Variants in CELF2 observed in about 807,000 individuals in gnomAD.
CELF2 encodes CUG triplet repeat RNA-binding protein 2.
CELF2 carries 8 observed loss-of-function variants against 62.6 expected under a neutral mutation model. The observed-to-expected ratio is 0.13, with a 90% CI of 0.07 to 0.23. The LOEUF (loss-of-function observed/expected upper bound fraction) is 0.23. CELF2 is among the 10% of genes least tolerant of loss of function. The pLI is 1.00. For synonymous variants in CELF2, 258 were observed against 250.0 expected, an observed-to-expected ratio of 1.03 and a Z score of -0.30; for missense variants, 333 against 671.0, an observed-to-expected ratio of 0.50 and a Z score of 5.56.
At chr10:10,895,941 G>A (rs2062521161) in intron 1 of CELF2, among the ~76,000 whole-genome samples, 1 of 152,052 alleles carries the variant, frequency 6.6e-6, no homozygotes, top group Non-Finnish European at 1.5e-5. Flanking sequence ...GAAGGAGGCT[G>A]GTAGACTCTC....
chr10:10,572,453 C>T, the CELF2 span, among the ~76,000 whole-genome samples: 1 of 152,008 alleles, frequency 6.6e-6, no homozygotes, highest in Non-Finnish European at 1.5e-5. Flanking sequence ...CAACCCATCA[C>T]CTTGGTATTA....
the CELF2 span, among the ~76,000 whole-genome samples, chr10:10,562,239 C>G: frequency 6.6e-6 from 1 of 152,176 alleles, no homozygotes; most frequent in Admixed American, 6.5e-5. Context: ...CACTAATCCC[C>G]TTGTGTAGAT....
rs574382083 is a variant in CELF2 at position 11,078,715 on chromosome 10, C to G, written c.74+60552C>G. The stretch of plus-strand genomic sequence containing the variant: ...GTTCTTTCTCTTCATGCACGGCTTG[C>G]AGAAAATATAAAAGAATCGGAGGCT... On this transcript the variant is annotated intron_variant, in intron 1 of 12. Coordinates refer to ENST00000633077, the MANE Select transcript of CELF2 (RefSeq NM_001326342.2). Among the ~76,000 whole-genome samples the G allele has an allele frequency of 3.3e-5, 5 of 152,274 alleles. No individual in the cohort carries two copies. The South Asian group carries it at 6.2e-4, about 19-fold the overall frequency.
intron 2 of CELF2, among the ~76,000 whole-genome samples, chr10:10,986,745 A>C (rs912727845): frequency 6.6e-6 from 1 of 152,194 alleles, no homozygotes; most frequent in African/African-American, 2.4e-5. Context: ...CAATCCCTCT[A>C]CAGGGCAATG....
At chr10:10,703,875 A>G in the CELF2 span, among the ~76,000 whole-genome samples, 1 of 152,230 alleles carries the variant, frequency 6.6e-6, no homozygotes, top group African/African-American at 2.4e-5. Context: ...ACAGAACCCT[A>G]ATCAATACAG....
intron 2 of CELF2, among the ~76,000 whole-genome samples, chr10:11,203,594 C>A (rs1412640901): frequency 6.6e-6 from 1 of 152,186 alleles, no homozygotes; most frequent in African/African-American, 2.4e-5. Flanking sequence ...CAAGACACCC[C>A]CTCTCCATGC....
intron 1 of CELF2, among the ~76,000 whole-genome samples, chr10:11,063,035 C>T (rs2067205015): frequency 6.6e-6 from 1 of 152,120 alleles, no homozygotes; most frequent in South Asian, 2.1e-4. Flanking sequence ...CGATAGTTAG[C>T]AATTTTTAGC....
At chr10:10,796,560 T>C (rs2054150475), upstream of CELF2, among the ~76,000 whole-genome samples, 1 of 152,244 alleles carries the variant, frequency 6.6e-6, no homozygotes, top group South Asian at 2.1e-4. Flanking sequence ...TAAGAACTCA[T>C]TTCCCTCCCT....
intron 1 of CELF2, among the ~76,000 whole-genome samples, chr10:11,129,851 G>A (rs1456335181): frequency 6.6e-6 from 1 of 152,136 alleles, no homozygotes. Flanking sequence ...TTTTTGAAGG[G>A]TTTTTTATGT....
rs2062945940 is a variant in CELF2 at position 11,046,864 on chromosome 10, A to G, written c.74+28701A>G. Among the ~76,000 whole-genome samples the G allele has an allele frequency of 1.3e-5, 2 of 152,190 alleles. No homozygotes were observed. The highest frequency in any genetic ancestry group is 4.8e-5 in the African/African-American group (2 of 41,442). ...TCGAAACTGCCTCCACTAAGCTAAC[A>G]TGTGCTTGAGTCACTGGGGAGAAGA... On this transcript the variant is annotated intron_variant, in intron 1 of 12. Coordinates refer to ENST00000633077, the MANE Select transcript of CELF2 (RefSeq NM_001326342.2). This position sits in a 1 kb window ranked among gnomAD's most constrained non-coding sequence, Gnocchi z 4.6.
intron 11 of CELF2, among the ~76,000 whole-genome samples, chr10:11,322,638 GTT>G (rs11348898): frequency 1.4e-3 from 207 of 147,648 alleles, no homozygotes; most frequent in African/African-American, 4.5e-3. Flanking sequence ...GATACTCATG[GTT>G]TTTTTTTTTT....
At chr10:11,250,000 C>T (rs1201959924) in intron 4 of CELF2, among the ~76,000 whole-genome samples, 1 of 152,182 alleles carries the variant, frequency 6.6e-6, no homozygotes, top group African/African-American at 2.4e-5. Context: ...CAGTTTTGCA[C>T]CTCATTAATT....
the CELF2 span, among the ~76,000 whole-genome samples, chr10:10,744,001 G>A: frequency 6.6e-4 from 101 of 152,124 alleles, no homozygotes; most frequent in African/African-American, 2.2e-3. Flanking sequence ...TCTTTATGTT[G>A]TGTTCTACCC....
the CELF2 span, among the ~76,000 whole-genome samples, chr10:10,462,953 A>G: frequency 6.6e-6 from 1 of 151,986 alleles, no homozygotes; most frequent in Non-Finnish European, 1.5e-5. Flanking sequence ...CCTTCCAGGG[A>G]TGTTACGGGT....
intron 1 of CELF2, among the ~76,000 whole-genome samples, chr10:11,057,842 A>G (rs748700515): frequency 6.6e-6 from 1 of 152,214 alleles, no homozygotes; most frequent in Non-Finnish European, 1.5e-5. Flanking sequence ...AAGATACTGC[A>G]TCCAACAAGA....
chr10:10,466,110 G>A, the CELF2 span, among the ~76,000 whole-genome samples: 3 of 152,086 alleles, frequency 2.0e-5, no homozygotes, highest in East Asian at 5.8e-4. Context: ...TACCGCTTGA[G>A]CAATCTGATG....
At chr10:10,994,755 C>A (rs1224669769) in intron 2 of CELF2, among the ~76,000 whole-genome samples, 2 of 127,290 alleles carry the variant, frequency 1.6e-5, no homozygotes, top group African/African-American at 5.7e-5. Flanking sequence ...CCTCCAGGTG[C>A]CAAAAAGGTT....
chr10:11,081,107 C>A (rs1028341592), intron 1 of CELF2, among the ~76,000 whole-genome samples: 2 of 152,144 alleles, frequency 1.3e-5, no homozygotes, highest in Admixed American at 6.5e-5. Flanking sequence ...GGGGCAATTC[C>A]AGTCTTATAA....
intron 1 of CELF2, among the ~76,000 whole-genome samples, chr10:11,140,844 C>A (rs540798704): frequency 1.4e-4 from 21 of 152,040 alleles, no homozygotes; most frequent in African/African-American, 1.9e-4. Flanking sequence ...CAGCAAGAAC[C>A]CATCTCTACA....
Sources: allele counts gnomAD v4.1 joint callset (sites outside exome capture counted in the v4.1 genomes callset), GRCh38; gene constraint gnomAD v4.1.1; non-coding constraint Gnocchi (gnomAD v3.1); transcripts MANE v1.5; gene names NCBI Gene and HGNC (gene_info 2026-07-23, HGNC 2026-07-21).